INSL6: variants seen among roughly 807,000 people sequenced by gnomAD.
INSL6 encodes the protein insulin-like peptide INSL6.
Under a neutral mutation model 9.4 loss-of-function variants are expected in INSL6, and 16 were observed. The ratio of observed to expected loss-of-function variants is 1.70; its 90% CI spans 1.15 to 2.59. INSL6 has a LOEUF of 2.59. INSL6 is among the 30% of genes most tolerant of loss of function. The pLI, the probability that INSL6 is intolerant of heterozygous loss-of-function variation, is 0.00. For synonymous variants in INSL6, 154 were observed against 96.9 expected, an observed-to-expected ratio of 1.59 and a Z score of -3.46; for missense variants, 391 against 257.3, an observed-to-expected ratio of 1.52 and a Z score of -3.56.
At chr9:5,173,281 G>A (rs1179649745) in intron 1 of INSL6, among the ~76,000 whole-genome samples, 1 of 152,090 alleles carries the variant, frequency 6.6e-6, no homozygotes, top group African/African-American at 2.4e-5. Context: ...ATACCCAAAG[G>A]AATATAAATC....
At chr9:5,035,704 T>G in the INSL6 span, among the ~76,000 whole-genome samples, 4 of 152,140 alleles carry the variant, frequency 2.6e-5, no homozygotes, top group Admixed American at 6.5e-5. Flanking sequence ...AAACTCTCAA[T>G]AAATTAGGTA....
rs1414224700 is a variant in INSL6, at chr9:5,134,115, C to T, written c.377-523G>A. ...TACCAGAGATTGCAGATCAACTTAACGAAATAAAGCAAGAAGACAAGATTA... is the reference window on the plus strand; with the variant it reads ...TACCAGAGATTGCAGATCAACTTAATGAAATAAAGCAAGAAGACAAGATTA... On this transcript the variant is annotated intron_variant, in intron 2 of 3. Transcript: ENST00000649639. Among the ~76,000 whole-genome samples the T allele has an allele frequency of 4.6e-5, 7 of 151,692 alleles. No individual in the cohort carries two copies. The South Asian group carries it at 8.3e-4, about 18-fold the overall frequency.
chr9:5,165,044 C>T (rs1825020066), intron 1 of INSL6, among the ~76,000 whole-genome samples: 1 of 152,156 alleles, frequency 6.6e-6, no homozygotes, highest in Admixed American at 6.5e-5. Context: ...CCTGTCTCTA[C>T]TAAAAACACA....
At chr9:5,020,174 C>T in the INSL6 span, among the ~76,000 whole-genome samples, 1,254 of 152,158 alleles carry the variant, frequency 8.2e-3, 14 homozygotes, top group African/African-American at 0.029. Context: ...TCGGCAGTGA[C>T]GGCGATTGGC....
chr9:5,147,479 A>G (rs779515860), intron 2 of INSL6, among the ~76,000 whole-genome samples: 47 of 152,184 alleles, frequency 3.1e-4, no homozygotes, highest in Non-Finnish European at 6.2e-4. Context: ...CCAAGTTGCT[A>G]CTGGCTTGAT....
the INSL6 span, among the ~76,000 whole-genome samples, chr9:5,050,386 T>C: frequency 6.6e-6 from 1 of 152,124 alleles, no homozygotes; most frequent in Non-Finnish European, 1.5e-5. Context: ...TCCTCCTACC[T>C]CAGCCCCCCA....
chr9:5,010,330 C>CTT, the INSL6 span, among the ~76,000 whole-genome samples: 1 of 144,486 alleles, frequency 6.9e-6, no homozygotes. Flanking sequence ...TGTCAGTTGT[C>CTT]TTTTTTTTTT....
At chr9:5,020,238 G>A in the INSL6 span, among the ~76,000 whole-genome samples, 3 of 152,340 alleles carry the variant, frequency 2.0e-5, no homozygotes, top group South Asian at 6.2e-4. Context: ...GGAACCAGCT[G>A]TGGTGGTAGT....
chr9:5,167,633 A>C (rs1435650294), intron 1 of INSL6, among the ~76,000 whole-genome samples: 2 of 152,192 alleles, frequency 1.3e-5, no homozygotes, highest in East Asian at 3.9e-4. Flanking sequence ...AAGAGGCTCT[A>C]GGAGGAGGGT....
At chr9:5,027,249 G>A in the INSL6 span, among the ~76,000 whole-genome samples, 14 of 152,272 alleles carry the variant, frequency 9.2e-5, no homozygotes, top group East Asian at 2.5e-3. Flanking sequence ...CTATCGCAGT[G>A]AAGCAAATAT....
chr9:5,004,191 A>G, the INSL6 span, among the ~76,000 whole-genome samples: 1 of 152,172 alleles, frequency 6.6e-6, no homozygotes, highest in Admixed American at 6.5e-5. Flanking sequence ...ATATATTGTT[A>G]TTGGTAATCA....
At chr9:5,006,200 G>C in the INSL6 span, among the ~76,000 whole-genome samples, 1 of 152,030 alleles carries the variant, frequency 6.6e-6, no homozygotes, top group Non-Finnish European at 1.5e-5. Context: ...TCCTTGAAGA[G>C]GTCCTTCACA....
chr9:5,078,143 A>G, the INSL6 span, among the ~76,000 whole-genome samples: 1 of 152,334 alleles, frequency 6.6e-6, no homozygotes, highest in African/African-American at 2.4e-5. Flanking sequence ...GTAAAACAGG[A>G]AGCATAGGAG....
At chr9:5,090,543 T>G in the INSL6 span, 1 of 1,592,488 alleles carries the variant, frequency 6.3e-7, no homozygotes, top group Non-Finnish European at 8.6e-7. Context: ...ACATAAAACT[T>G]CTGCAGTACA....
chr9:5,099,445 G>A, the INSL6 span: 6 of 152,062 alleles, frequency 3.9e-5, no homozygotes, highest in African/African-American at 1.4e-4. Context: ...TTATTATCCT[G>A]TCAATAATCA....
the INSL6 span, among the ~76,000 whole-genome samples, chr9:5,093,466 G>A: frequency 1.3e-5 from 2 of 152,148 alleles, no homozygotes; most frequent in Non-Finnish European, 2.9e-5. Flanking sequence ...TGTCTCTTAC[G>A]TTTAATCAGT....
chr9:5,087,605 G>A, the INSL6 span, among the ~76,000 whole-genome samples: 2 of 152,138 alleles, frequency 1.3e-5, no homozygotes, highest in South Asian at 2.1e-4. Flanking sequence ...CGAATTAAAA[G>A]TGAGACTGAT....
chr9:5,050,964 G>A, the INSL6 span: 1 of 789,050 alleles, frequency 1.3e-6, no homozygotes, highest in Non-Finnish European at 2.0e-6. Context: ...AAAATGCTTG[G>A]AATCAGAAAT....
the INSL6 span, among the ~76,000 whole-genome samples, chr9:5,036,932 A>G: frequency 6.6e-6 from 1 of 152,248 alleles, no homozygotes; most frequent in Non-Finnish European, 1.5e-5. Context: ...GGCAACCTAC[A>G]GAATGGGAGA....
Sources: gnomAD v4.1 joint callset for allele counts (sites outside exome capture counted in the v4.1 genomes callset) on GRCh38, gnomAD v4.1.1 for gene constraint, MANE v1.5 for transcripts, NCBI Gene and HGNC (gene_info 2026-07-23, HGNC 2026-07-21) for gene names.